RABGEF1: variants seen among roughly 807,000 people sequenced by gnomAD.
The protein encoded by RABGEF1 is RAB guanine nucleotide exchange factor 1, also known as rab5 GDP/GTP exchange factor.
Under a neutral mutation model 57.3 loss-of-function variants are expected in RABGEF1, and 26 were observed. That is an observed-to-expected ratio of 0.45 (90% CI 0.33 to 0.63). RABGEF1 has a LOEUF of 0.63. Among genes scored for constraint, RABGEF1 ranks in the 20% least tolerant of loss-of-function variants. The pLI, the probability that RABGEF1 is intolerant of heterozygous loss-of-function variation, is 0.02. For missense variants in RABGEF1, 464 were observed against 607.6 expected (o/e 0.76, Z 2.48); for synonymous variants, 185 against 210.7 (o/e 0.88, Z 1.06).
At chr7:66,750,096 G>T (rs1274527941) in intron 1 of RABGEF1, among the ~76,000 whole-genome samples, 2 of 152,196 alleles carry the variant, frequency 1.3e-5, no homozygotes, top group Non-Finnish European at 2.9e-5. Context: ...TTTTATTTGT[G>T]TAAATTTATT....
chr7:66,684,494 G>T (rs1213234172), intron 1 of RABGEF1, among the ~76,000 whole-genome samples: 2 of 152,052 alleles, frequency 1.3e-5, no homozygotes, highest in African/African-American at 4.8e-5. Context: ...TCTATCTGTC[G>T]TCCAGGTTGG....
chr7:66,775,246 G>C lies in RABGEF1; in HGVS notation c.199G>C (p.Glu67Gln). Reference sequence around the variant, plus strand: ...TTGCAGACTCCAGCGGGAGGAAGAAGAGGCCTTTGCCAGCAGTCAGAGCAG... The same window carrying C: ...TTGCAGACTCCAGCGGGAGGAAGAACAGGCCTTTGCCAGCAGTCAGAGCAG... ...LAERLQREEE[E>Q]AFASSQSSQG... Residue 67 changes from glutamate (E) to glutamine (Q), a missense_variant, in exon 3 of 9, where the codon GAG becomes CAG. By Grantham distance (29) the Glu-to-Gln change is conservative. This residue lies in a region of RABGEF1 where 284 missense variants were observed against 389.9 expected (regional missense o/e 0.73). Transcript: ENST00000284957. The C allele has an allele frequency of 6.2e-7, 1 of 1,613,170 alleles. No homozygotes were observed. Among genetic ancestry groups the C allele is most frequent in the Non-Finnish European group, 8.5e-7 (1 of 1,179,642 alleles).
chr7:66,775,159 A>AAT (rs1333940537), intron 2 of RABGEF1, 68 bp from the exon 3 acceptor site: 10 of 1,493,468 alleles, frequency 6.7e-6, no homozygotes, highest in African/African-American at 2.8e-5. Flanking sequence ...TTAATGGAGT[A>AAT]ATAACCTTCA....
chr7:66,737,085 A>AGAGAGC (rs1171308419), upstream of RABGEF1, among the ~76,000 whole-genome samples: 2 of 130,234 alleles, frequency 1.5e-5, no homozygotes, highest in African/African-American at 5.6e-5. Flanking sequence ...AGAGAGAGAG[A>AGAGAGC]GCGAGAGCGA....
the RABGEF1 span, among the ~76,000 whole-genome samples, chr7:66,670,713 G>C: frequency 2.2e-3 from 327 of 151,960 alleles, 1 homozygote; most frequent in Middle Eastern, 6.8e-3. Flanking sequence ...GGGTGTGGTG[G>C]CTCGCGCCTG....
intron 7 of RABGEF1, 107 bp downstream of exon 7, chr7:66,799,521 A>G (rs1429131471): frequency 5.6e-6 from 5 of 888,588 alleles, no homozygotes; most frequent in Non-Finnish European, 8.7e-6. Flanking sequence ...TCGAAGGTAC[A>G]TTGGAATGTA....
the RABGEF1 span, among the ~76,000 whole-genome samples, chr7:66,661,081 G>A: frequency 7.9e-5 from 12 of 152,036 alleles, no homozygotes; most frequent in Admixed American, 1.3e-4. Flanking sequence ...AGGCCAAGGC[G>A]GGTGGATCAT....
chr7:66,754,390 G>A (rs1802214446), intron 1 of RABGEF1, among the ~76,000 whole-genome samples: 1 of 149,060 alleles, frequency 6.7e-6, no homozygotes, highest in Non-Finnish European at 1.5e-5. Context: ...TTTTTTTAAA[G>A]CCATCATACT....
intron 1 of RABGEF1, among the ~76,000 whole-genome samples, chr7:66,752,690 G>A (rs1054140561): frequency 1.3e-5 from 2 of 152,126 alleles, no homozygotes; most frequent in African/African-American, 4.8e-5. Flanking sequence ...TGTTAAATTC[G>A]AATTCTCAGG....
At chr7:66,703,311 T>A (rs1793568538) in intron 1 of RABGEF1, among the ~76,000 whole-genome samples, 1 of 152,214 alleles carries the variant, frequency 6.6e-6, no homozygotes, top group Admixed American at 6.5e-5. Flanking sequence ...TCAACCTATC[T>A]ATTTTTTCTT....
chr7:66,728,584 A>G (rs921662096), intron 2 of RABGEF1, among the ~76,000 whole-genome samples: 1 of 152,052 alleles, frequency 6.6e-6, no homozygotes, highest in African/African-American at 2.4e-5. Flanking sequence ...CTCCATCCTT[A>G]TCTCCACCTC....
intron 1 of RABGEF1, among the ~76,000 whole-genome samples, chr7:66,702,751 C>G (rs1436138403): frequency 6.6e-6 from 1 of 152,028 alleles, no homozygotes; most frequent in African/African-American, 2.4e-5. Flanking sequence ...TTTTCATGTG[C>G]TTTTTGCCAA....
intron 8 of RABGEF1, 23 bp downstream of exon 8, chr7:66,805,419 T>A: frequency 1.2e-6 from 2 of 1,612,400 alleles, no homozygotes; most frequent in Non-Finnish European, 1.7e-6. Context: ...GTTCTTGGTG[T>A]TGTGGAGAAG....
intron 1 of RABGEF1, among the ~76,000 whole-genome samples, chr7:66,762,212 G>A (rs1804589534): frequency 6.6e-6 from 1 of 152,142 alleles, no homozygotes; most frequent in Non-Finnish European, 1.5e-5. Flanking sequence ...AGGAAAATAA[G>A]GTCTCTGTCC....
At chr7:66,721,106 A>G (rs1796002422) in intron 2 of RABGEF1, among the ~76,000 whole-genome samples, 1 of 152,092 alleles carries the variant, frequency 6.6e-6, no homozygotes, top group African/African-American at 2.4e-5. Context: ...TTTAGTAGGG[A>G]TGGGGTTTCA....
chr7:66,730,396 A>G (rs966866300), intron 2 of RABGEF1, among the ~76,000 whole-genome samples: 2 of 152,094 alleles, frequency 1.3e-5, no homozygotes, highest in African/African-American at 4.8e-5. Flanking sequence ...ACGGTAGGTT[A>G]TTATTATTAT....
chr7:66,791,928 A>G (rs575042171), intron 4 of RABGEF1, among the ~76,000 whole-genome samples: 2 of 152,280 alleles, frequency 1.3e-5, no homozygotes, highest in East Asian at 3.9e-4. Flanking sequence ...CCTGGCCAAG[A>G]TGGTGAAACC....
the RABGEF1 span, among the ~76,000 whole-genome samples, chr7:66,661,417 A>C: frequency 1.3e-5 from 2 of 152,030 alleles, no homozygotes; most frequent in Non-Finnish European, 2.9e-5. Context: ...GAAATGGCAA[A>C]TCTCTAGAAA....
intron 1 of RABGEF1, among the ~76,000 whole-genome samples, chr7:66,689,404 G>C (rs1343997307): frequency 6.6e-6 from 1 of 151,778 alleles, no homozygotes. Flanking sequence ...GATTATAAGA[G>C]AATACTATAA....
Sources: gnomAD v4.1 joint callset for allele counts (sites outside exome capture counted in the v4.1 genomes callset) on GRCh38, gnomAD v4.1.1 for gene constraint, gnomAD v4.1.1 regional missense constraint, MANE v1.5 for transcripts, NCBI Gene and HGNC (gene_info 2026-07-23, HGNC 2026-07-21) for gene names.